The following ADCY2 variants were observed in gnomAD, a reference collection of about 807,000 sequenced individuals.
ADCY2 encodes adenylate cyclase 2, also known as adenylate cyclase type 2.
A neutral mutation model predicts 125.2 loss-of-function variants in ADCY2; 31 were observed. The observed-to-expected ratio is 0.25, with a 90% CI of 0.19 to 0.33. The LOEUF (loss-of-function observed/expected upper bound fraction) is 0.33, where lower values mean the gene tolerates loss of function less well. Among genes scored for constraint, ADCY2 ranks in the 10% least tolerant of loss-of-function variants. ADCY2 has a pLI of 1.00. For missense variants in ADCY2, 904 were observed against 1,418.2 expected (o/e 0.64, Z 5.82); for synonymous variants, 512 against 548.4 (o/e 0.93, Z 0.93).
chr5:7,653,795 CT>C (rs1178597264), intron 4 of ADCY2, among the ~76,000 whole-genome samples: 12 of 152,150 alleles, frequency 7.9e-5, no homozygotes, highest in East Asian at 1.9e-4. Flanking sequence ...GCAATTGACA[CT>C]TTTTTTCCCA....
chr5:7,734,994 C>T (rs1742205874), intron 14 of ADCY2, among the ~76,000 whole-genome samples: 1 of 152,166 alleles, frequency 6.6e-6, no homozygotes, highest in South Asian at 2.1e-4. Flanking sequence ...TTCATGAGGT[C>T]TCCACCTTCA....
At chr5:7,441,535 A>C (rs1741015626) in intron 2 of ADCY2, among the ~76,000 whole-genome samples, 1 of 152,150 alleles carries the variant, frequency 6.6e-6, no homozygotes, top group Non-Finnish European at 1.5e-5. Context: ...AAAAAAAATA[A>C]AGAAAAAAAG....
intron 14 of ADCY2, among the ~76,000 whole-genome samples, chr5:7,730,436 GT>G (rs1434814843): frequency 6.6e-6 from 1 of 152,080 alleles, no homozygotes; most frequent in African/African-American, 2.4e-5. Context: ...TATAGTCAAT[GT>G]TTATTTAAAT....
chr5:7,440,741 C>G (rs1235086044), intron 2 of ADCY2, among the ~76,000 whole-genome samples: 5 of 152,128 alleles, frequency 3.3e-5, no homozygotes, highest in Non-Finnish European at 7.4e-5. Flanking sequence ...AGATGATTTT[C>G]AAAATGTCAA....
At chr5:7,735,543 G>C (rs536493065) in intron 14 of ADCY2, among the ~76,000 whole-genome samples, 1 of 152,148 alleles carries the variant, frequency 6.6e-6, no homozygotes, top group African/African-American at 2.4e-5. Context: ...AAATAGTTTG[G>C]ATTTTCTCAA....
intron 22 of ADCY2, among the ~76,000 whole-genome samples, chr5:7,808,896 C>G (rs1008014877): frequency 1.3e-5 from 2 of 152,196 alleles, no homozygotes; most frequent in African/African-American, 2.4e-5. Context: ...TCAAACCCAG[C>G]CACTGTTGTT....
At chr5:7,468,615 G>A (rs1031682084) in intron 2 of ADCY2, among the ~76,000 whole-genome samples, 2 of 152,154 alleles carry the variant, frequency 1.3e-5, no homozygotes, top group Non-Finnish European at 2.9e-5. Context: ...GAAAAAGGAA[G>A]AGGCTAATGG....
At chr5:7,414,026 G>C (rs190207466) in intron 1 of ADCY2, among the ~76,000 whole-genome samples, 1 of 152,056 alleles carries the variant, frequency 6.6e-6, no homozygotes, top group South Asian at 2.1e-4. Context: ...TGCATTTCCC[G>C]CTCCCTCACG....
chr5:7,442,321 A>C (rs907904771), intron 2 of ADCY2, among the ~76,000 whole-genome samples: 1 of 151,894 alleles, frequency 6.6e-6, no homozygotes, highest in African/African-American at 2.4e-5. Context: ...GCAATGCCTC[A>C]CATTCTAGAT....
At chr5:7,628,822 T>TAA (rs1157731029) in intron 4 of ADCY2, among the ~76,000 whole-genome samples, 25 of 140,064 alleles carry the variant, frequency 1.8e-4, no homozygotes, top group African/African-American at 4.7e-4. Flanking sequence ...TATCTTGGTT[T>TAA]AAAAAAAAAA....
chr5:7,504,592 T>C (rs1481458334), intron 2 of ADCY2, among the ~76,000 whole-genome samples: 2 of 151,850 alleles, frequency 1.3e-5, no homozygotes, highest in Non-Finnish European at 2.9e-5. Flanking sequence ...ATTTCTTTCT[T>C]TCTCTCTCTC....
chr5:7,475,399 TAG>T, intron 2 of ADCY2, among the ~76,000 whole-genome samples: 1 of 151,514 alleles, frequency 6.6e-6, no homozygotes, highest in Non-Finnish European at 1.5e-5. Context: ...TTTTTTTTTT[TAG>T]ATAGAGTTTC....
chr5:7,520,852 G>A lies in ADCY2; in HGVS notation c.523G>A (p.Val175Ile), dbSNP rs780543786. ...TSSSHTIVLS[V>I]CLSATPGGKE... ...CTCCTCCCACACCATCGTGCTTAGC[G>A]TCTGCCTGTCTGCAACACCGGGAGG... Residue 175 changes from valine to isoleucine, a missense_variant, in exon 3 of 25, where the codon GTC becomes ATC. Val to Ile is a conservative substitution (Grantham distance 29). Around this residue, in one of 7 missense-constraint regions of ADCY2, gnomAD observed 121 missense variants for 161.5 expected, o/e 0.75. Coordinates refer to ENST00000338316, the MANE Select transcript of ADCY2 (RefSeq NM_020546.3). 4.0e-5 allele frequency: 65 copies of A among 1,614,004 alleles called. No homozygotes were observed. Among genetic ancestry groups the A allele is most frequent in the Non-Finnish European group, 5.1e-5 (60 of 1,180,036 alleles).
intron 3 of ADCY2, among the ~76,000 whole-genome samples, chr5:7,602,133 G>A (rs936095922): frequency 6.6e-6 from 1 of 152,158 alleles, no homozygotes; most frequent in Non-Finnish European, 1.5e-5. Context: ...AACCTATGAT[G>A]ATCTTATCTC....
chr5:7,742,623 G>A (rs1244201392), intron 14 of ADCY2, among the ~76,000 whole-genome samples: 1 of 152,118 alleles, frequency 6.6e-6, no homozygotes, highest in East Asian at 1.9e-4. Flanking sequence ...GTTGAGGGTG[G>A]CTTCTCATCA....
chr5:7,551,862 A>G (rs1735354390), intron 3 of ADCY2, among the ~76,000 whole-genome samples: 1 of 152,248 alleles, frequency 6.6e-6, no homozygotes, highest in Admixed American at 6.5e-5. Context: ...GAGGTCACAG[A>G]TGCCTTTGAA....
chr5:7,795,331 T>C (rs978490471), intron 20 of ADCY2: 2 of 152,260 alleles, frequency 1.3e-5, no homozygotes, highest in African/African-American at 4.8e-5. Flanking sequence ...CCCCTGGGAA[T>C]TGATCAAAAG....
chr5:7,637,535 T>C (rs1738554545), intron 4 of ADCY2, among the ~76,000 whole-genome samples: 1 of 152,094 alleles, frequency 6.6e-6, no homozygotes, highest in African/African-American at 2.4e-5. Flanking sequence ...TGTAGTCCAT[T>C]GTAGCTAATG....
chr5:7,675,331 A>G (rs1740087914), intron 4 of ADCY2, among the ~76,000 whole-genome samples: 1 of 152,180 alleles, frequency 6.6e-6, no homozygotes, highest in Non-Finnish European at 1.5e-5. Context: ...ATTATTAAAT[A>G]AGTGAAATAA....
Sources: allele counts gnomAD v4.1 joint callset (sites outside exome capture counted in the v4.1 genomes callset), GRCh38; gene constraint gnomAD v4.1.1; regional missense constraint gnomAD v4.1.1; transcripts MANE v1.5; gene names NCBI Gene and HGNC (gene_info 2026-07-23, HGNC 2026-07-21).